PRORP: variants seen among roughly 807,000 people sequenced by gnomAD.
PRORP encodes the protein mitochondrial ribonuclease P catalytic subunit.
A neutral mutation model predicts 59.4 loss-of-function variants in PRORP; 51 were observed. That is an observed-to-expected ratio of 0.86 (90% CI 0.69 to 1.08). The LOEUF (loss-of-function observed/expected upper bound fraction) is 1.08, where lower values mean the gene tolerates loss of function less well. PRORP is among the 50% of genes least tolerant of loss of function. The pLI is 0.00. For synonymous variants in PRORP, 231 were observed against 245.6 expected (o/e 0.94, Z 0.55); for missense variants, 646 against 690.3 (o/e 0.94, Z 0.72).
chr14:35,203,409 C>T (rs770028092), intron 5 of PRORP, among the ~76,000 whole-genome samples: 8 of 152,056 alleles, frequency 5.3e-5, no homozygotes, highest in Non-Finnish European at 1.2e-4. Flanking sequence ...CTTCTGTATT[C>T]CCAGCTACTT....
chr14:35,248,870 A>G (rs75091567), intron 5 of PRORP, among the ~76,000 whole-genome samples: 15,834 of 152,258 alleles, frequency 0.1, 895 homozygotes, highest in African/African-American at 0.16. Flanking sequence ...TAGCTAACCT[A>G]CAGAGAGTAA....
At chr14:35,138,626 A>T (rs1473592921) in intron 4 of PRORP, among the ~76,000 whole-genome samples, 1 of 145,434 alleles carries the variant, frequency 6.9e-6, no homozygotes, top group African/African-American at 2.4e-5. Flanking sequence ...TAAAATGAGC[A>T]TTATAAAAGT....
At chr14:35,256,087 C>T (rs905073729) in intron 5 of PRORP, among the ~76,000 whole-genome samples, 7 of 151,500 alleles carry the variant, frequency 4.6e-5, no homozygotes, top group African/African-American at 1.5e-4. Flanking sequence ...AGTTTGAGAC[C>T]AGCCTGGCCA....
At position 35,127,475 on chromosome 14, in the gene PRORP, A is replaced by G. The variant is rs2047126383; in HGVS notation, c.1035-4A>G. ...ATATTATTATTTAACAATTATAATT[A>G]CAGTGGCCAGTGTTCGGGCTGTGGA... On this transcript the variant is annotated splice_region_variant and splice_polypyrimidine_tract_variant and intron_variant, in intron 3 of 7. Coordinates refer to ENST00000534898, the MANE Select transcript of PRORP (RefSeq NM_014672.4). 6.4e-7 allele frequency: 1 copy of G among 1,562,808 alleles called. No individual in the cohort carries two copies. The highest frequency in any genetic ancestry group is 8.6e-7 in the Non-Finnish European group (1 of 1,158,570).
intron 5 of PRORP, among the ~76,000 whole-genome samples, chr14:35,189,490 A>G (rs1459620930): frequency 6.7e-6 from 1 of 150,162 alleles, no homozygotes; most frequent in Non-Finnish European, 1.5e-5. Flanking sequence ...GATTGATTAT[A>G]TAGCCTGCCT....
intron 5 of PRORP, among the ~76,000 whole-genome samples, chr14:35,181,745 A>G (rs1298252107): frequency 2.1e-5 from 3 of 144,202 alleles, no homozygotes; most frequent in African/African-American, 7.6e-5. Flanking sequence ...AGGTCGTGCC[A>G]TTGCACTCCA....
chr14:35,169,610 C>T (rs2048266170), intron 4 of PRORP, among the ~76,000 whole-genome samples: 1 of 152,156 alleles, frequency 6.6e-6, no homozygotes, highest in South Asian at 2.1e-4. Context: ...ACCTTCAGAT[C>T]TGGTGAGAAT....
rs988181605 is a variant in PRORP at position 35,274,180 on chromosome 14, C to T, written c.*614C>T. 2 of 152,086 alleles carry T rather than the reference C, an allele frequency of 1.3e-5. No homozygotes were observed. Among genetic ancestry groups the T allele is most frequent in the African/African-American group, 4.8e-5 (2 of 41,416 alleles). 9.4% of individuals were successfully genotyped at this position (152,086 alleles called of 1,614,324 possible). A position where few individuals can be genotyped will look rare whatever the true frequency, so the allele number is the denominator to read the frequency against. On this transcript the variant is annotated 3_prime_UTR_variant, in exon 8 of 8. Transcript: ENST00000534898. ...TTTTTGGAAATAGAGTCTCAACTTA[C>T]TCTGTCGCCAGGGCTGGAGTGCAGT...
intron 4 of PRORP, among the ~76,000 whole-genome samples, chr14:35,143,281 T>TC (rs2047524557): frequency 7.0e-6 from 1 of 143,254 alleles, no homozygotes. Flanking sequence ...TGCCTCAGCC[T>TC]CCCCCGAGTA....
chr14:35,141,072 T>G (rs2138845906), intron 4 of PRORP, among the ~76,000 whole-genome samples: 1 of 145,898 alleles, frequency 6.9e-6, no homozygotes, highest in African/African-American at 2.4e-5. Flanking sequence ...ATATGTGAAT[T>G]TTAAGTGAAC....
chr14:35,213,288 T>C (rs2049497631), intron 5 of PRORP, among the ~76,000 whole-genome samples: 1 of 152,166 alleles, frequency 6.6e-6, no homozygotes, highest in Non-Finnish European at 1.5e-5. Flanking sequence ...GAACTTTTCC[T>C]GGTTGGGCAC....
chr14:35,141,880 GCA>G (rs2047487987), intron 4 of PRORP, among the ~76,000 whole-genome samples: 2 of 141,214 alleles, frequency 1.4e-5, no homozygotes, highest in South Asian at 4.7e-4. Flanking sequence ...CAACACCTGG[GCA>G]ATTTTTTTTT....
rs1233752996 is a variant in PRORP, at chr14:35,174,857, A to G, written c.1168-5813A>G. Among the ~76,000 whole-genome samples, 3 of 148,132 alleles carry G rather than the reference A, an allele frequency of 2.0e-5. No individual in the cohort carries two copies. The South Asian group carries it at 6.4e-4, about 32-fold the overall frequency. ...TGCTGCACCCGTTAACTCGTCATTT[A>G]CGTTACGTATATCTCCTAGTGCTAT... On this transcript the variant is annotated intron_variant, in intron 4 of 7. Transcript: ENST00000534898.
chr14:35,194,729 C>T (rs1276452281), intron 5 of PRORP, among the ~76,000 whole-genome samples: 1 of 152,040 alleles, frequency 6.6e-6, no homozygotes, highest in Non-Finnish European at 1.5e-5. Context: ...CTTCTGGATC[C>T]AGCTCAGCCT....
intron 4 of PRORP, among the ~76,000 whole-genome samples, chr14:35,136,438 A>C (rs1229723824): frequency 0.06 from 7,742 of 129,512 alleles, 507 homozygotes; most frequent in East Asian, 0.19. Context: ...GCAATGGCGC[A>C]ATCTCTGCTT....
chr14:35,172,525 T>TCTCCCTCTCTCC (rs2048348010), intron 4 of PRORP, among the ~76,000 whole-genome samples: 1 of 134,424 alleles, frequency 7.4e-6, no homozygotes, highest in South Asian at 2.5e-4. Flanking sequence ...CCTCTCTCCC[T>TCTCCCTCTCTCC]CTCTCTCCTG....
rs556846289 is a variant in PRORP at position 35,152,124 on chromosome 14, G to GAT, written c.1167+24513_1167+24514insAT. Among the ~76,000 whole-genome samples the GAT allele has an allele frequency of 2.8e-3, 433 of 152,008 alleles. 2 individuals carry two copies. The highest frequency in any genetic ancestry group is 0.01 in the African/African-American group (425 of 41,450). On this transcript the variant is annotated intron_variant, in intron 4 of 7. Transcript: ENST00000534898. ...CCCTGGGTACTTGAGATTAGGGAGT[G>GAT]GTGATGACTCTCAACGAGCATGCTG... is the stretch of plus-strand genomic sequence containing the variant.
intron 5 of PRORP, among the ~76,000 whole-genome samples, chr14:35,229,676 A>G (rs1466446543): frequency 1.3e-5 from 2 of 152,126 alleles, no homozygotes; most frequent in East Asian, 3.8e-4. Flanking sequence ...TGCCCTGTAG[A>G]TGGCAGTACT....
chr14:35,245,914 T>C (rs1325996487), intron 5 of PRORP, among the ~76,000 whole-genome samples: 1 of 152,114 alleles, frequency 6.6e-6, no homozygotes, highest in African/African-American at 2.4e-5. Flanking sequence ...ACATAGGAGG[T>C]AAAATTTTTA....
Sources: gnomAD v4.1 joint callset for allele counts (sites outside exome capture counted in the v4.1 genomes callset) on GRCh38, gnomAD v4.1.1 for gene constraint, MANE v1.5 for transcripts, NCBI Gene and HGNC (gene_info 2026-07-23, HGNC 2026-07-21) for gene names.